ZMIZ1: variants seen among roughly 807,000 people sequenced by gnomAD.
ZMIZ1 encodes zinc finger MIZ-type containing 1.
Under a neutral mutation model 113.9 loss-of-function variants are expected in ZMIZ1, and 17 were observed. The observed-to-expected ratio is 0.15, with a 90% CI of 0.10 to 0.22. The LOEUF is 0.22. ZMIZ1 is among the 10% of genes least tolerant of loss of function. The probability of loss-of-function intolerance (pLI) is 1.00; values close to 1 mark genes in which losing one functional copy is unlikely to be tolerated. For synonymous variants in ZMIZ1, 607 were observed against 603.1 expected (o/e 1.01, Z -0.09); for missense variants, 1,059 against 1,477.8 (o/e 0.72, Z 4.65).
At chr10:79,133,125 C>T (rs704001) in intron 2 of ZMIZ1, among the ~76,000 whole-genome samples, 26,171 of 152,170 alleles carry the variant, frequency 0.17, 2,847 homozygotes, top group Non-Finnish European at 0.24. Flanking sequence ...CTTGCTTCTC[C>T]AGCACCCACC....
chr10:79,303,232 G>A (rs111734811), intron 18 of ZMIZ1, among the ~76,000 whole-genome samples: 10 of 151,958 alleles, frequency 6.6e-5, no homozygotes, highest in African/African-American at 1.9e-4. Flanking sequence ...TTGGGAGGCC[G>A]AGGCGGGAGT....
At chr10:79,214,745 G>A (rs1286137726) in intron 6 of ZMIZ1, among the ~76,000 whole-genome samples, 2 of 152,190 alleles carry the variant, frequency 1.3e-5, no homozygotes, top group East Asian at 3.8e-4. Context: ...ACATCTGGGT[G>A]CTCTCCCTAC....
Position 79,300,722 on chromosome 10 carries a change from C to T in ZMIZ1, c.1809-10C>T, listed in dbSNP as rs750476211. Reference sequence around the variant, plus strand: ...CAGAGCTGCCCTGAGCACCCTCGTTCCCCACCTAGGTCTGACCTGGAGCTG... The same window carrying T: ...CAGAGCTGCCCTGAGCACCCTCGTTTCCCACCTAGGTCTGACCTGGAGCTG... On this transcript the variant is annotated splice_polypyrimidine_tract_variant and intron_variant, in intron 16 of 24. Coordinates refer to ENST00000334512, the MANE Select transcript of ZMIZ1 (RefSeq NM_020338.4). 5.0e-6 allele frequency: 8 copies of T among 1,612,834 alleles called. No homozygotes were observed. The South Asian group carries it at 5.5e-5, about 11-fold the overall frequency.
intron 18 of ZMIZ1, among the ~76,000 whole-genome samples, chr10:79,303,536 C>CGG (rs1554832395): frequency 1.3e-5 from 2 of 149,890 alleles, no homozygotes; most frequent in Non-Finnish European, 3.0e-5. Context: ...GGTGTGGACT[C>CGG]GGGCCCTGTG....
chr10:79,230,740 A>C (rs928772028), intron 7 of ZMIZ1, among the ~76,000 whole-genome samples: 16 of 152,124 alleles, frequency 1.1e-4, no homozygotes, highest in African/African-American at 3.6e-4. Flanking sequence ...CCTGTGCTTG[A>C]TTGTCCGCCC....
chr10:79,169,068 C>T (rs1846493383), intron 4 of ZMIZ1, among the ~76,000 whole-genome samples: 1 of 152,196 alleles, frequency 6.6e-6, no homozygotes, highest in Non-Finnish European at 1.5e-5. Flanking sequence ...CTTTAGGGAC[C>T]TCTGTTGGAG....
intron 18 of ZMIZ1, among the ~76,000 whole-genome samples, chr10:79,303,225 G>A (rs1854449353): frequency 6.6e-6 from 1 of 151,796 alleles, no homozygotes; most frequent in African/African-American, 2.4e-5. Context: ...TAGCACTTTG[G>A]GAGGCCGAGG....
At chr10:79,078,979 C>A (rs965044417) in intron 1 of ZMIZ1, among the ~76,000 whole-genome samples, 2 of 152,210 alleles carry the variant, frequency 1.3e-5, no homozygotes, top group Non-Finnish European at 2.9e-5. Flanking sequence ...TACTGAAGAA[C>A]CACCTTTCCA....
At chr10:79,151,199 C>T (rs190793388) in intron 3 of ZMIZ1, among the ~76,000 whole-genome samples, 1 of 152,188 alleles carries the variant, frequency 6.6e-6, no homozygotes, top group East Asian at 1.9e-4. Flanking sequence ...GTGGCCACAG[C>T]TCAGACTCTG....
At chr10:79,073,777 C>T (rs1028403238) in intron 1 of ZMIZ1, among the ~76,000 whole-genome samples, 14 of 151,750 alleles carry the variant, frequency 9.2e-5, no homozygotes, top group African/African-American at 3.2e-4. Context: ...TGCCTCTGGG[C>T]ACTTTCCTTG....
In ZMIZ1 at chr10:79,216,159, T is replaced by C. The variant is rs1848720651; in HGVS notation, c.175-10T>C. Reference sequence around the variant, plus strand: ...GTGACTCACCTGCCCTCCTCCCCTCTTGCTTTCAGGTGGTCAGTCGGGTGG... The same window carrying C: ...GTGACTCACCTGCCCTCCTCCCCTCCTGCTTTCAGGTGGTCAGTCGGGTGG... On this transcript the variant is annotated splice_polypyrimidine_tract_variant and intron_variant, in intron 6 of 24. Coordinates refer to ENST00000334512, the MANE Select transcript of ZMIZ1 (RefSeq NM_020338.4). The C allele has an allele frequency of 1.4e-6, 2 of 1,476,356 alleles. No homozygotes were observed. Among genetic ancestry groups the C allele is most frequent in the African/African-American group, 1.4e-5 (1 of 69,472 alleles). The allele number at this position is 1,476,356 out of a possible 1,614,324, so 91.5% of individuals were successfully genotyped here. A position where few individuals can be genotyped will look rare whatever the true frequency, so the allele number is the denominator to read the frequency against.
rs1157908549 is a variant in ZMIZ1 at position 79,118,391 on chromosome 10, C to T, written c.-336-524C>T. Among the ~76,000 whole-genome samples, 1 of 152,138 alleles carries T rather than the reference C, an allele frequency of 6.6e-6. No individual in the cohort carries two copies. Among genetic ancestry groups the T allele is most frequent in the Non-Finnish European group, 1.5e-5 (1 of 68,026 alleles). On this transcript the variant is annotated intron_variant, in intron 1 of 24. Coordinates refer to ENST00000334512, the MANE Select transcript of ZMIZ1 (RefSeq NM_020338.4). This position sits in a 1 kb window ranked among gnomAD's most constrained non-coding sequence, Gnocchi z 4.1. ...TCACTCCCAATGTCCAGGAGCTGGG[C>T]CTGGAGCGGGAGAGTGTCCTGTGGG... is the stretch of plus-strand genomic sequence containing the variant.
At chr10:79,128,730 G>A (rs920386433) in intron 2 of ZMIZ1, among the ~76,000 whole-genome samples, 33 of 152,176 alleles carry the variant, frequency 2.2e-4, no homozygotes, top group African/African-American at 7.2e-4. Flanking sequence ...GGCACCTCCA[G>A]AGTGGCCTGT....
chr10:79,203,372 G>A (rs1455838568), intron 5 of ZMIZ1, among the ~76,000 whole-genome samples: 6 of 152,112 alleles, frequency 3.9e-5, no homozygotes, highest in African/African-American at 7.2e-5. Context: ...TCTCCCAAAC[G>A]CCAATTACAC....
chr10:79,177,328 G>A (rs1410596345), intron 4 of ZMIZ1, among the ~76,000 whole-genome samples: 1 of 152,216 alleles, frequency 6.6e-6, no homozygotes, highest in East Asian at 1.9e-4. Context: ...TCCTGGAGCT[G>A]TTCAGGCCAG....
In ZMIZ1 at chr10:79,127,201, A is replaced by G. The variant is rs558719337; in HGVS notation, c.-227+8177A>G. ...AGGAAATGCCATGCCAGTGCCAGGC[A>G]TGCTGCCGGCGCTCTGGGTGCCTGG... On this transcript the variant is annotated intron_variant, in intron 2 of 24. Coordinates refer to ENST00000334512, the MANE Select transcript of ZMIZ1 (RefSeq NM_020338.4). Among the ~76,000 whole-genome samples, 11 of 152,318 alleles carry G rather than the reference A, an allele frequency of 7.2e-5. 1 individual carries two copies. The South Asian group carries it at 2.3e-3, about 32-fold the overall frequency.
chr10:79,128,397 A>G (rs1844610788), intron 2 of ZMIZ1, among the ~76,000 whole-genome samples: 1 of 152,222 alleles, frequency 6.6e-6, no homozygotes, highest in South Asian at 2.1e-4. Flanking sequence ...TCGGAGCTGG[A>G]CAAGTTTAAA....
At chr10:79,217,403 T>C (rs1465769270) in intron 7 of ZMIZ1, among the ~76,000 whole-genome samples, 1 of 151,730 alleles carries the variant, frequency 6.6e-6, no homozygotes, top group African/African-American at 2.4e-5. Context: ...CCAGCCTGGG[T>C]GACAGAGGGA....
intron 7 of ZMIZ1, among the ~76,000 whole-genome samples, chr10:79,264,628 C>A (rs768124311): frequency 6.6e-6 from 1 of 152,186 alleles, no homozygotes; most frequent in East Asian, 1.9e-4. Flanking sequence ...TGCACTGAGG[C>A]ACAGTATCTA....
Sources: allele counts gnomAD v4.1 joint callset (sites outside exome capture counted in the v4.1 genomes callset), GRCh38; gene constraint gnomAD v4.1.1; non-coding constraint Gnocchi (gnomAD v3.1); transcripts MANE v1.5; gene names NCBI Gene and HGNC (gene_info 2026-07-23, HGNC 2026-07-21).